KIAA0232: variants seen among roughly 807,000 people sequenced by gnomAD.
KIAA0232 encodes uncharacterized protein KIAA0232.
Under a neutral mutation model 122.0 loss-of-function variants are expected in KIAA0232, and 27 were observed. The ratio of observed to expected loss-of-function variants is 0.22; its 90% confidence interval spans 0.16 to 0.31. The LOEUF (loss-of-function observed/expected upper bound fraction) is 0.31, where lower values mean the gene tolerates loss of function less well. Among genes scored for constraint, KIAA0232 ranks in the 10% least tolerant of loss-of-function variants. The pLI, the probability that KIAA0232 is intolerant of heterozygous loss-of-function variation, is 1.00. For missense variants in KIAA0232, 1,551 were observed against 1,634.2 expected (o/e 0.95, Z 0.88); for synonymous variants, 613 against 587.6 (o/e 1.04, Z -0.63).
intron 1 of KIAA0232, among the ~76,000 whole-genome samples, chr4:6,793,874 A>G (rs1717015326): frequency 6.6e-6 from 1 of 152,186 alleles, no homozygotes; most frequent in Admixed American, 6.5e-5. Context: ...ATTCCGAAAA[A>G]CTTCCCTGTG....
intron 2 of KIAA0232, among the ~76,000 whole-genome samples, chr4:6,812,713 C>G (rs766260220): frequency 2.0e-5 from 3 of 152,046 alleles, no homozygotes; most frequent in Non-Finnish European, 2.9e-5. Flanking sequence ...GTGAATATAT[C>G]GGTTGAATAG....
chr4:6,806,891 C>G (rs975321645), intron 2 of KIAA0232, among the ~76,000 whole-genome samples: 12 of 151,672 alleles, frequency 7.9e-5, no homozygotes, highest in Non-Finnish European at 1.8e-4. Flanking sequence ...TTTATTTAGT[C>G]TCATTACACA....
intron 1 of KIAA0232, among the ~76,000 whole-genome samples, chr4:6,787,791 A>T (rs1577350362): frequency 6.6e-6 from 1 of 152,134 alleles, no homozygotes; most frequent in African/African-American, 2.4e-5. Context: ...AAATCATATC[A>T]TGACCCATTT....
chr4:6,826,915 T>A (rs1358239844), intron 3 of KIAA0232, among the ~76,000 whole-genome samples: 1 of 151,464 alleles, frequency 6.6e-6, no homozygotes, highest in African/African-American at 2.4e-5. Flanking sequence ...GTGAATCCTC[T>A]GGTTTCTTTA....
At chr4:6,872,588 C>T (rs1483609734) in intron 8 of KIAA0232, among the ~76,000 whole-genome samples, 1 of 152,186 alleles carries the variant, frequency 6.6e-6, no homozygotes, top group African/African-American at 2.4e-5. Context: ...TTGATTAGCT[C>T]AAGAAGTTCA....
intron 3 of KIAA0232, among the ~76,000 whole-genome samples, chr4:6,826,608 G>A (rs1044787170): frequency 6.6e-6 from 1 of 151,250 alleles, no homozygotes; most frequent in African/African-American, 2.4e-5. Context: ...GGGCTCAAGC[G>A]ATCTTCCTGC....
chr4:6,786,904 C>T lies in KIAA0232; in HGVS notation c.-354+4063C>T, dbSNP rs545827914. On this transcript the variant is annotated intron_variant, in intron 1 of 9. Transcript: ENST00000307659. Reference sequence around the variant, plus strand: ...GGTTAAAAATATTCCTTGTATTGGCCGGGCGCGGTGGCTCACGCCTGTAAT... The same window carrying T: ...GGTTAAAAATATTCCTTGTATTGGCTGGGCGCGGTGGCTCACGCCTGTAAT... 1.2e-4 allele frequency among the ~76,000 whole-genome samples: 19 copies of T among 152,190 alleles called. No individual in the cohort carries two copies. The South Asian group carries it at 2.1e-3, about 17-fold the overall frequency.
At chr4:6,805,901 G>A (rs1018751764) in intron 2 of KIAA0232, among the ~76,000 whole-genome samples, 13 of 151,902 alleles carry the variant, frequency 8.6e-5, no homozygotes, top group Non-Finnish European at 1.8e-4. Context: ...CTAAAATTTA[G>A]TTGTTTCGTC....
At chr4:6,837,944 A>T (rs1719421013) in intron 3 of KIAA0232, among the ~76,000 whole-genome samples, 1 of 151,872 alleles carries the variant, frequency 6.6e-6, no homozygotes, top group Non-Finnish European at 1.5e-5. Context: ...GGAGAGGGAG[A>T]GGCAGAGGCG....
At chr4:6,811,902 G>A (rs1717898922) in intron 2 of KIAA0232, among the ~76,000 whole-genome samples, 1 of 151,732 alleles carries the variant, frequency 6.6e-6, no homozygotes, top group South Asian at 2.1e-4. Flanking sequence ...TTCTCTCTTT[G>A]TTTTGTTAAT....
intron 1 of KIAA0232, among the ~76,000 whole-genome samples, chr4:6,784,243 T>C (rs1560155272): frequency 6.6e-6 from 1 of 152,102 alleles, no homozygotes; most frequent in Non-Finnish European, 1.5e-5. Context: ...GGATTTTACA[T>C]TTCTGGGTCT....
chr4:6,841,926 C>A (rs181164051), intron 3 of KIAA0232, 141 bp from the exon 4 acceptor site: 5 of 904,710 alleles, frequency 5.5e-6, no homozygotes, highest in African/African-American at 5.2e-5. Flanking sequence ...CAGCTCCCTT[C>A]GTCGCAGAAA....
In KIAA0232 at chr4:6,851,547, G is replaced by GA. The variant is rs1295240780; in HGVS notation, c.370-5608dup. Among the ~76,000 whole-genome samples the GA allele has an allele frequency of 2.6e-3, 385 of 147,532 alleles. 1 individual carries two copies. Among genetic ancestry groups the GA allele is most frequent in the African/African-American group, 7.8e-3 (315 of 40,134 alleles). The stretch of plus-strand genomic sequence containing the variant: ...GGGGTTTTGCAGAAACCACATCTCT[G>GA]AAAAAAAAACAAAAGAAAAGCCAAG... On this transcript the variant is annotated intron_variant, in intron 4 of 9. Coordinates refer to ENST00000307659, the MANE Select transcript of KIAA0232 (RefSeq NM_014743.3).
intron 2 of KIAA0232, among the ~76,000 whole-genome samples, chr4:6,821,996 T>C (rs979492237): frequency 1.3e-5 from 2 of 152,124 alleles, no homozygotes; most frequent in Non-Finnish European, 2.9e-5. Flanking sequence ...TTAATGTTTC[T>C]TTTTTCTCTG....
chr4:6,813,195 A>C (rs981600673), intron 2 of KIAA0232, among the ~76,000 whole-genome samples: 1 of 152,172 alleles, frequency 6.6e-6, no homozygotes, highest in Non-Finnish European at 1.5e-5. Context: ...TACATAAGGG[A>C]TGAGATTTTG....
In KIAA0232 at chr4:6,857,212, G is replaced by T; in HGVS notation, c.418G>T (p.Asp140Tyr). The change falls in exon 5 of 10, where the codon GAC becomes TAC. Residue 140 changes from aspartate (D) to tyrosine (Y), a missense_variant. This residue lies in a region of KIAA0232 where 377 missense variants were observed against 381.7 expected (regional missense o/e 0.99). Transcript: ENST00000307659. ...GGAGGAGCTCTGCTCCAGACTGAAA[G>T]ACCTTCAGAGTAAGCAAGGTGAGGT... is the stretch of plus-strand genomic sequence containing the variant. ...LVEELCSRLK[D>Y]LQSKQEEKIH... 1.2e-6 allele frequency: 2 copies of T among 1,612,136 alleles called. No homozygotes were observed. The highest frequency in any genetic ancestry group is 2.2e-5 in the South Asian group (2 of 90,734).
Position 6,861,785 on chromosome 4 carries a change from G to A in KIAA0232, c.1403G>A (p.Gly468Asp). The change falls in exon 7 of 10, where the codon GGT becomes GAT. Residue 468 changes from glycine to aspartate, a missense_variant. By Grantham distance (94) the Gly-to-Asp change is moderately conservative. This residue lies in a region of KIAA0232 where 1,108 missense variants were observed against 1,154.8 expected (regional missense o/e 0.96). Coordinates refer to ENST00000307659, the MANE Select transcript of KIAA0232 (RefSeq NM_014743.3). ...CTCGCAGCAGGTACTTTCATTGATG[G>A]TCATTTTGTAGAAATGCCTGCAGTT... ...TYLAAGTFID[G>D]HFVEMPAVIN... 1 of 1,614,054 alleles carries A rather than the reference G, an allele frequency of 6.2e-7. No homozygotes were observed. Among genetic ancestry groups the A allele is most frequent in the Non-Finnish European group, 8.5e-7 (1 of 1,180,002 alleles).
chr4:6,798,650 C>G (rs190815601), intron 1 of KIAA0232, among the ~76,000 whole-genome samples: 1 of 152,178 alleles, frequency 6.6e-6, no homozygotes, highest in East Asian at 1.9e-4. Context: ...CTCCAGGGCT[C>G]GAACGAGCCT....
Position 6,863,390 on chromosome 4 carries a change from A to C in KIAA0232, c.3008A>C (p.Lys1003Thr). 1 of 1,614,214 alleles carries C rather than the reference A, an allele frequency of 6.2e-7. No individual in the cohort carries two copies. Residue 1003 changes from lysine to threonine, a missense_variant, in exon 7 of 10, where the codon AAG (lysine) becomes ACG (threonine). Transcript: ENST00000307659. ...TCATTTGAACAGAATGATCAGCCGA[A>C]GAGTGGGGAAAATGGGTTAAATAAG... is the stretch of plus-strand genomic sequence containing the variant. ...FVSFEQNDQPKSGENGLNKGF... is the reference protein window; with the variant it reads ...FVSFEQNDQPTSGENGLNKGF...
Sources: allele counts gnomAD v4.1 joint callset (sites outside exome capture counted in the v4.1 genomes callset), GRCh38; gene constraint gnomAD v4.1.1; regional missense constraint gnomAD v4.1.1; transcripts MANE v1.5; gene names NCBI Gene and HGNC (gene_info 2026-07-23, HGNC 2026-07-21).